The following UNC80 variants were observed in gnomAD, a reference collection of about 807,000 sequenced individuals.
UNC80 encodes the protein protein unc-80 homolog.
Under a neutral mutation model 384.6 loss-of-function variants are expected in UNC80, and 164 were observed. That is an observed-to-expected ratio of 0.43 (90% CI 0.38 to 0.49). The LOEUF (loss-of-function observed/expected upper bound fraction) is 0.49, where lower values mean the gene tolerates loss of function less well. Among genes scored for constraint, UNC80 ranks in the 20% least tolerant of loss-of-function variants. The pLI is 0.00. For synonymous variants in UNC80, 1,486 were observed against 1,527.8 expected, an observed-to-expected ratio of 0.97 and a Z score of 0.64; for missense variants, 3,330 against 4,143.0, an observed-to-expected ratio of 0.80 and a Z score of 5.39.
intron 28 of UNC80, among the ~76,000 whole-genome samples, chr2:209,903,326 G>GTT (rs1382733087): frequency 4.2e-4 from 55 of 131,266 alleles, no homozygotes; most frequent in Non-Finnish European, 8.0e-4. Context: ...TTATATGTGT[G>GTT]TGTGTGTGTG....
rs142558127 is a variant in UNC80 at position 209,918,131 on chromosome 2, A to G, written c.5211+173A>G. ...GCATTCCTACTGTTAAAAAATTAAA[A>G]TATAGAAGAATATAGAGTAAGAAAA... On this transcript the variant is annotated intron_variant, in intron 32 of 64. Coordinates refer to ENST00000673920, the MANE Select transcript of UNC80 (RefSeq NM_001371986.1). Among the ~76,000 whole-genome samples, 922 of 152,254 alleles carry G rather than the reference A, an allele frequency of 6.1e-3. 11 individuals are homozygous for G. Among genetic ancestry groups the G allele is most frequent in the African/African-American group, 0.02 (842 of 41,586 alleles).
intron 61 of UNC80, among the ~76,000 whole-genome samples, chr2:209,989,956 A>C (rs575036726): frequency 6.6e-6 from 1 of 152,350 alleles, no homozygotes; most frequent in South Asian, 2.1e-4. Flanking sequence ...ATAATTTATA[A>C]GCTGGGATAT....
chr2:209,904,902 G>A lies in UNC80; in HGVS notation c.4719G>A (p.Val1573=), dbSNP rs987308051. Residue 1573 remains valine (V), a synonymous_variant, in exon 29 of 65, where the codon GTG becomes GTA. Transcript: ENST00000673920. Reference sequence around the variant, plus strand: ...TCAAGCTACTCTATGGAGACAGTGTGGACTCCCTGAGGGAAAGCAGCAACA... The same window carrying A: ...TCAAGCTACTCTATGGAGACAGTGTAGACTCCCTGAGGGAAAGCAGCAACA... ...RAIKLLYGDS[V]DSLRESSNIS... is the part of the protein sequence containing the mutation. 6.4e-7 allele frequency: 1 copy of A among 1,551,750 alleles called. No individual in the cohort carries two copies. The highest frequency in any genetic ancestry group is 2.4e-5 in the East Asian group (1 of 40,914).
intron 22 of UNC80, among the ~76,000 whole-genome samples, chr2:209,856,456 A>G (rs2082925634): frequency 6.6e-6 from 1 of 152,108 alleles, no homozygotes; most frequent in Non-Finnish European, 1.5e-5. Flanking sequence ...AATATAATTC[A>G]TAAAAATTAT....
At chr2:209,854,626 T>C (rs1024446233) in intron 22 of UNC80, among the ~76,000 whole-genome samples, 2 of 151,750 alleles carry the variant, frequency 1.3e-5, no homozygotes, top group Non-Finnish European at 2.9e-5. Flanking sequence ...CATTAAAAAG[T>C]GGGCAAAGGA....
chr2:209,941,232 C>T lies in UNC80; in HGVS notation c.6658C>T (p.Leu2220=), dbSNP rs2091611218. 2.6e-6 allele frequency: 4 copies of T among 1,511,276 alleles called. No homozygotes were observed. The highest frequency in any genetic ancestry group is 2.7e-6 in the Non-Finnish European group (3 of 1,119,250). The allele number at this position is 1,511,276 out of a possible 1,614,324, so 93.6% of individuals were successfully genotyped here. A position where few individuals can be genotyped will look rare whatever the true frequency, so the allele number is the denominator to read the frequency against. ...LFSDPQAGKE[L]FGLDTLQKSL... ...TCATGTTCTCACAGCTGGAAAGGAACTGTTTGGCCTCGACACTCTTCAGAA... is the reference window on the plus strand; with the variant it reads ...TCATGTTCTCACAGCTGGAAAGGAATTGTTTGGCCTCGACACTCTTCAGAA... The change falls in exon 44 of 65, where the codon CTG becomes TTG. Residue 2220 remains leucine, a synonymous_variant. Transcript: ENST00000673920.
chr2:209,944,900 C>A (rs965372771), intron 45 of UNC80, 151 bp from the exon 46 acceptor site: 1 of 838,848 alleles, frequency 1.2e-6, no homozygotes, highest in Admixed American at 3.0e-5. Flanking sequence ...AATCATACCA[C>A]AGCATTGCGG....
intron 39 of UNC80, among the ~76,000 whole-genome samples, chr2:209,935,125 G>A (rs1234668278): frequency 4.6e-5 from 7 of 152,050 alleles, no homozygotes; most frequent in African/African-American, 1.7e-4. Flanking sequence ...TTTATTGCCT[G>A]GTCACCTCAT....
intron 12 of UNC80, 118 bp from the exon 13 acceptor site, chr2:209,820,193 T>A: frequency 1.5e-6 from 2 of 1,363,848 alleles, no homozygotes; most frequent in Non-Finnish European, 1.9e-6. Context: ...GTCTAAATTA[T>A]TTCTACCCAA....
At chr2:209,850,566 C>G (rs1184793552) in intron 22 of UNC80, among the ~76,000 whole-genome samples, 1 of 152,078 alleles carries the variant, frequency 6.6e-6, no homozygotes, top group East Asian at 1.9e-4. Context: ...AGCTTTTGCT[C>G]TAAGGATATT....
At chr2:209,931,123 TC>T in intron 38 of UNC80, 69 bp downstream of exon 38, 2 of 1,211,070 alleles carry the variant, frequency 1.7e-6, no homozygotes, top group Non-Finnish European at 2.3e-6. Flanking sequence ...AAGATTTTTT[TC>T]AATAAATTTC....
chr2:209,879,344 G>C (rs748463669), intron 24 of UNC80, among the ~76,000 whole-genome samples: 1 of 152,126 alleles, frequency 6.6e-6, no homozygotes. Flanking sequence ...CATTAAATGC[G>C]TGCATCCTCC....
chr2:209,816,531 T>C (rs1044367098), intron 9 of UNC80, among the ~76,000 whole-genome samples: 1 of 152,222 alleles, frequency 6.6e-6, no homozygotes. Flanking sequence ...GCATCAGAAT[T>C]ACCTACCAGA....
At chr2:209,827,776 C>A (rs1369554266) in intron 14 of UNC80, among the ~76,000 whole-genome samples, 1 of 152,126 alleles carries the variant, frequency 6.6e-6, no homozygotes, top group African/African-American at 2.4e-5. Context: ...TCACCTTTAC[C>A]AGACAAGGTC....
rs1013446682 is a variant in UNC80 at position 209,872,469 on chromosome 2, G to C, written c.3628-289G>C. Among the ~76,000 whole-genome samples, 7 of 152,124 alleles carry C rather than the reference G, an allele frequency of 4.6e-5. No homozygotes were observed. Among genetic ancestry groups the C allele is most frequent in the African/African-American group, 1.7e-4 (7 of 41,428 alleles). Reference sequence around the variant, plus strand: ...TCGCTGTCACCCTTAAATATACAAAGTTGGAGACATGTAATTACTTGAGAT... The same window carrying C: ...TCGCTGTCACCCTTAAATATACAAACTTGGAGACATGTAATTACTTGAGAT... On this transcript the variant is annotated intron_variant, in intron 22 of 64. Transcript: ENST00000673920. The surrounding 1 kb of genome is among the most constrained non-coding windows in gnomAD (Gnocchi z 4.1).
At chr2:209,896,286 A>C (rs765671246) in intron 27 of UNC80, 27 bp from the exon 28 acceptor site, 319 of 1,543,454 alleles carry the variant, frequency 2.1e-4, no homozygotes, top group Non-Finnish European at 2.7e-4. Context: ...GAACACTGAA[A>C]CCTTTCTTGG....
chr2:209,954,637 T>TTA (rs2124995090), intron 48 of UNC80, among the ~76,000 whole-genome samples: 1 of 152,326 alleles, frequency 6.6e-6, no homozygotes, highest in Admixed American at 6.5e-5. Context: ...TTATTAGTTA[T>TTA]TATAGTATTT....
chr2:209,822,480 T>C lies in UNC80; in HGVS notation c.2331+1801T>C, dbSNP rs2080207712. On this transcript the variant is annotated intron_variant, in intron 13 of 64. Coordinates refer to ENST00000673920, the MANE Select transcript of UNC80 (RefSeq NM_001371986.1). ...GAGATTCTTACTGAATTTCCATTTT[T>C]TACATATCAACTCTGTCTGGACAAA... Among the ~76,000 whole-genome samples, 3 of 152,200 alleles carry C rather than the reference T, an allele frequency of 2.0e-5. No individual in the cohort carries two copies. In the South Asian group the frequency reaches 6.2e-4, roughly 31 times the overall value.
intron 21 of UNC80, 125 bp downstream of exon 21, chr2:209,842,571 T>C: frequency 1.4e-6 from 1 of 704,026 alleles, no homozygotes; most frequent in Non-Finnish European, 2.4e-6. Flanking sequence ...CATACATGCC[T>C]TTTACCACTG....
Sources: gnomAD v4.1 joint callset for allele counts (sites outside exome capture counted in the v4.1 genomes callset) on GRCh38, gnomAD v4.1.1 for gene constraint, Gnocchi (gnomAD v3.1) non-coding constraint, MANE v1.5 for transcripts, NCBI Gene and HGNC (gene_info 2026-07-23, HGNC 2026-07-21) for gene names.